Variants in KPNA5 observed in about 807,000 individuals in gnomAD.
KPNA5 encodes the protein karyopherin subunit alpha 5.
A neutral mutation model predicts 71.3 loss-of-function variants in KPNA5; 46 were observed. The observed-to-expected ratio is 0.65, with a 90% CI of 0.51 to 0.83. The LOEUF is 0.83. KPNA5 is among the 40% of genes least tolerant of loss of function. The pLI, the probability that KPNA5 is intolerant of heterozygous loss-of-function variation, is 0.00. For missense variants in KPNA5, 547 were observed against 628.3 expected, an observed-to-expected ratio of 0.87 and a Z score of 1.38; for synonymous variants, 207 against 201.4, an observed-to-expected ratio of 1.03 and a Z score of -0.24.
At chr6:116,718,060 T>G (rs606242) in intron 8 of KPNA5, among the ~76,000 whole-genome samples, 1 of 151,690 alleles carries the variant, frequency 6.6e-6, no homozygotes, top group Non-Finnish European at 1.5e-5. Flanking sequence ...TTTAAAGATG[T>G]AATGTGATAA....
Position 116,733,577 on chromosome 6 carries a change from A to G in KPNA5, c.*1254A>G, listed in dbSNP as rs934752960. 4.0e-5 allele frequency: 6 copies of G among 151,346 alleles called. No homozygotes were observed. Among genetic ancestry groups the G allele is most frequent in the African/African-American group, 1.5e-4 (6 of 41,334 alleles). The allele number at this position is 151,346 out of a possible 1,614,324, so 9.4% of individuals were successfully genotyped here. Reference sequence around the variant, plus strand: ...ACGGAAAATTTGAAAGAAAGGTTTCAATAGAAAAATTATATATATATTTAT... The same window carrying G: ...ACGGAAAATTTGAAAGAAAGGTTTCGATAGAAAAATTATATATATATTTAT... On this transcript the variant is annotated 3_prime_UTR_variant, in exon 14 of 14. Coordinates refer to ENST00000368564, the MANE Select transcript of KPNA5 (RefSeq NM_001366306.2).
At chr6:116,694,206 T>A (rs1266878361) in intron 4 of KPNA5, among the ~76,000 whole-genome samples, 25 of 152,176 alleles carry the variant, frequency 1.6e-4, no homozygotes, top group Admixed American at 2.6e-4. Flanking sequence ...CTTAGGATTA[T>A]CTTGGCAATG....
chr6:116,693,197 C>T (rs891156783), intron 4 of KPNA5, among the ~76,000 whole-genome samples: 55 of 152,278 alleles, frequency 3.6e-4, no homozygotes, highest in African/African-American at 1.2e-3. Flanking sequence ...AATGAACATA[C>T]GTGTGCATGT....
intron 1 of KPNA5, among the ~76,000 whole-genome samples, chr6:116,688,488 G>C (rs1379894597): frequency 1.3e-5 from 2 of 151,930 alleles, no homozygotes; most frequent in Non-Finnish European, 2.9e-5. Context: ...TCCAGAATAG[G>C]TTATAATATC....
At chr6:116,707,118 C>G (rs1778471947) in intron 7 of KPNA5, among the ~76,000 whole-genome samples, 1 of 151,786 alleles carries the variant, frequency 6.6e-6, no homozygotes, top group South Asian at 2.1e-4. Flanking sequence ...GAGCCAAGAT[C>G]ACGCCACTGC....
intron 6 of KPNA5, among the ~76,000 whole-genome samples, chr6:116,703,308 G>A (rs962185797): frequency 3.4e-5 from 5 of 148,772 alleles, no homozygotes; most frequent in Admixed American, 2.7e-4. Flanking sequence ...CGTCCCCCAC[G>A]CTGGAATGCA....
In KPNA5 at chr6:116,740,252, A is replaced by G. The variant is rs1779823427; in HGVS notation, c.*7929A>G. ...AAAAACACATGAAAAAATGCTCACC[A>G]TCACTGGCCATCAGACAAATGCAAA... On this transcript the variant is annotated 3_prime_UTR_variant, in exon 14 of 14. Coordinates refer to ENST00000368564, the MANE Select transcript of KPNA5 (RefSeq NM_001366306.2). The G allele has an allele frequency of 6.6e-6, 1 of 152,240 alleles. No individual in the cohort carries two copies. The highest frequency in any genetic ancestry group is 1.5e-5 in the Non-Finnish European group (1 of 68,054). 9.4% of individuals were successfully genotyped at this position (152,240 alleles called of 1,614,324 possible).
intron 8 of KPNA5, 87 bp from the exon 9 acceptor site, chr6:116,722,039 T>G (rs1197029052): frequency 3.1e-6 from 3 of 974,782 alleles, no homozygotes; most frequent in Non-Finnish European, 4.3e-6. Context: ...ATTAAATTTT[T>G]GTTTTAAAAT....
chr6:116,683,963 T>A (rs1371488587), intron 1 of KPNA5, among the ~76,000 whole-genome samples: 1 of 122,026 alleles, frequency 8.2e-6, no homozygotes, highest in Non-Finnish European at 1.6e-5. Context: ...CAGGCTGGAG[T>A]CCAGGCTGGA....
rs569730829 is a variant in KPNA5, at chr6:116,694,875, C to T, written c.340+2483C>T. Among the ~76,000 whole-genome samples the T allele has an allele frequency of 3.9e-4, 60 of 152,214 alleles. 1 individual carries two copies. The South Asian group carries it at 0.012, about 31-fold the overall frequency. Reference sequence around the variant, plus strand: ...GTGAAGTAGGGGGTCAAAGGGAATACACTGTATTAATTTATGCTCCCATCT... The same window carrying T: ...GTGAAGTAGGGGGTCAAAGGGAATATACTGTATTAATTTATGCTCCCATCT... On this transcript the variant is annotated intron_variant, in intron 4 of 13. Transcript: ENST00000368564.
intron 8 of KPNA5, among the ~76,000 whole-genome samples, chr6:116,718,887 C>T (rs999574978): frequency 5.9e-5 from 9 of 152,022 alleles, no homozygotes; most frequent in African/African-American, 2.2e-4. Context: ...CCTGCCTCAG[C>T]CCCCCAAGTA....
chr6:116,706,259 G>A (rs1384841166), intron 7 of KPNA5, among the ~76,000 whole-genome samples: 1 of 152,140 alleles, frequency 6.6e-6, no homozygotes, highest in African/African-American at 2.4e-5. Context: ...GTAGGTAGTG[G>A]TTTATGAAGT....
chr6:116,730,661 T>C (rs912650921), intron 13 of KPNA5, among the ~76,000 whole-genome samples: 7 of 152,180 alleles, frequency 4.6e-5, no homozygotes, highest in Admixed American at 2.6e-4. Flanking sequence ...TCACTGGCAT[T>C]GTATGAATCT....
In KPNA5 at chr6:116,732,308, T is replaced by A; in HGVS notation, c.1605T>A (p.Asp535Glu). Residue 535 changes from aspartate (D) to glutamate (E), a missense_variant, in exon 14 of 14, where the codon GAT (aspartate) becomes GAA (glutamate). Asp to Glu is a conservative substitution (Grantham distance 45, BLOSUM62 2). Transcript: ENST00000368564. ...TTCAGCAGCAGGAAGCACCAATGGA[T>A]GGATTTCAACTTTAACTTACTGGAG... ...FIFQQQEAPM[D>E]GFQL is the part of the protein sequence containing the mutation. The A allele has an allele frequency of 6.6e-7, 1 of 1,509,736 alleles. No homozygotes were observed. Among genetic ancestry groups the A allele is most frequent in the Non-Finnish European group, 8.9e-7 (1 of 1,125,660 alleles). 93.5% of individuals were successfully genotyped at this position (1,509,736 alleles called of 1,614,324 possible).
rs900218543 is a variant in KPNA5 at position 116,739,905 on chromosome 6, C to G, written c.*7582C>G. 1.3e-5 allele frequency: 2 copies of G among 151,882 alleles called. No homozygotes were observed. Among genetic ancestry groups the G allele is most frequent in the Non-Finnish European group, 2.9e-5 (2 of 67,976 alleles). The allele number at this position is 151,882 out of a possible 1,614,324, so 9.4% of individuals were successfully genotyped here. ...AAACCATAAAAACCCTAGAAGAAAACCTAGGCATTACCATTCAGGACATAG... is the reference window on the plus strand; with the variant it reads ...AAACCATAAAAACCCTAGAAGAAAAGCTAGGCATTACCATTCAGGACATAG... On this transcript the variant is annotated 3_prime_UTR_variant, in exon 14 of 14. Transcript: ENST00000368564.
At chr6:116,690,080 C>T (rs1395635175) in intron 2 of KPNA5, among the ~76,000 whole-genome samples, 1 of 151,768 alleles carries the variant, frequency 6.6e-6, no homozygotes, top group Non-Finnish European at 1.5e-5. Flanking sequence ...AAGGCCTATT[C>T]TCTTCTATTG....
intron 7 of KPNA5, 42 bp downstream of exon 7, chr6:116,705,202 T>C (rs1778395107): frequency 7.3e-7 from 1 of 1,366,594 alleles, no homozygotes; most frequent in Admixed American, 1.8e-5. Context: ...AAAAACTATA[T>C]ACTCCATGAT....
chr6:116,726,843 C>G (rs1779309976), intron 12 of KPNA5, among the ~76,000 whole-genome samples: 1 of 151,838 alleles, frequency 6.6e-6, no homozygotes, highest in African/African-American at 2.4e-5. Flanking sequence ...TAAGAAAAAT[C>G]AGAGATTAAA....
At chr6:116,692,476 A>G (rs1777841255) in intron 4 of KPNA5, 84 bp downstream of exon 4, 9 of 845,538 alleles carry the variant, frequency 1.1e-5, no homozygotes, top group Non-Finnish European at 1.7e-5. Context: ...TTAAATTTTA[A>G]AATACCTTTC....
Sources: gnomAD v4.1 joint callset for allele counts (sites outside exome capture counted in the v4.1 genomes callset) on GRCh38, gnomAD v4.1.1 for gene constraint, MANE v1.5 for transcripts, NCBI Gene and HGNC (gene_info 2026-07-23, HGNC 2026-07-21) for gene names.